The following LIG1 variants were observed in gnomAD, a reference collection of about 807,000 sequenced individuals.
LIG1 encodes ligase I, DNA, ATP-dependent.
Under a neutral mutation model 115.7 loss-of-function variants are expected in LIG1, and 70 were observed. That is an observed-to-expected ratio of 0.60 (90% CI 0.50 to 0.74). The LOEUF (loss-of-function observed/expected upper bound fraction) is 0.74, where lower values mean the gene tolerates loss of function less well. Ranked by LOEUF, LIG1 falls within the 30% of genes least tolerant of loss-of-function variation. LIG1 has a pLI of 0.00. For missense variants in LIG1, 1,115 were observed against 1,225.6 expected (o/e 0.91, Z 1.35); for synonymous variants, 487 against 495.3 (o/e 0.98, Z 0.22).
chr19:48,125,532 T>C (rs1280413984), intron 21 of LIG1, among the ~76,000 whole-genome samples: 1 of 152,086 alleles, frequency 6.6e-6, no homozygotes, highest in African/African-American at 2.4e-5. Context: ...CAGGAAGACA[T>C]GAGTGAGAAC....
intron 3 of LIG1, among the ~76,000 whole-genome samples, 174 bp downstream of exon 3, chr19:48,162,088 G>A (rs947439370): frequency 1.3e-5 from 2 of 152,122 alleles, no homozygotes; most frequent in South Asian, 4.1e-4. Flanking sequence ...AGACAACTCC[G>A]AGGCCCTGGA....
Position 48,132,338 on chromosome 19 carries a change from C to CA in LIG1, c.1725+643dup, listed in dbSNP as rs755158368. On this transcript the variant is annotated intron_variant, in intron 18 of 27. Coordinates refer to ENST00000263274, the MANE Select transcript of LIG1 (RefSeq NM_000234.3). ...TGGATCACAGGACACACATGCACGT[C>CA]ACGGCATGAAGGGGTCATGTAGGCA... is the stretch of plus-strand genomic sequence containing the variant. Among the ~76,000 whole-genome samples the CA allele has an allele frequency of 3.3e-5, 5 of 152,268 alleles. No homozygotes were observed. The East Asian group carries it at 9.7e-4, about 29-fold the overall frequency.
At chr19:48,149,169 G>C (rs1182931482) in intron 9 of LIG1, among the ~76,000 whole-genome samples, 1 of 152,168 alleles carries the variant, frequency 6.6e-6, no homozygotes, top group Non-Finnish European at 1.5e-5. Flanking sequence ...AATTATCTGG[G>C]TGTGGTGGCA....
In LIG1 at chr19:48,153,912, C is replaced by G; in HGVS notation, c.426G>C (p.Glu142Asp). 1 of 1,611,864 alleles carries G rather than the reference C, an allele frequency of 6.2e-7. No homozygotes were observed. Among genetic ancestry groups the G allele is most frequent in the Non-Finnish European group, 8.5e-7 (1 of 1,179,096 alleles). ...TIQEVLEEQS[E>D]DEDREAKRKK... ...TCCTCTTGGCTTCTCTGTCCTCGTC[C>G]TCACTCTGCTCTTCCAGGACTTCCT... The change falls in exon 6 of 28, where the codon GAG becomes GAC. Residue 142 changes from glutamate to aspartate, a missense_variant. By Grantham distance (45) the Glu-to-Asp change is conservative (BLOSUM62 2). Transcript: ENST00000263274.
At position 48,162,349 on chromosome 19, in the gene LIG1, G is replaced by C. The variant is rs1268909742; in HGVS notation, c.20C>G (p.Ser7Ter). Reference protein sequence around the residue: MQRSIMSFFHPKKEGKA... With the variant: MQRSIM Reference sequence around the variant, plus strand: ...ACCCTCTTTCTTGGGGTGGAAAAATGACCTAGAGGAGCATAAAAGGGGGTA... The same window carrying C: ...ACCCTCTTTCTTGGGGTGGAAAAATCACCTAGAGGAGCATAAAAGGGGGTA... The change falls in exon 3 of 28, where the codon TCA (serine) becomes TGA (stop). Residue 7 changes from serine to a stop codon, truncating the protein, a stop_gained and splice_region_variant. Coordinates refer to ENST00000263274, the MANE Select transcript of LIG1 (RefSeq NM_000234.3). LOFTEE classifies it high-confidence loss of function. 1 of 1,612,128 alleles carries C rather than the reference G, an allele frequency of 6.2e-7. No individual in the cohort carries two copies. Among genetic ancestry groups the C allele is most frequent in the Non-Finnish European group, 8.5e-7 (1 of 1,178,904 alleles).
chr19:48,121,290 G>A lies in LIG1; in HGVS notation c.2265C>T (p.Asp755=), dbSNP rs1012796396. ...LKKDYLDGVG[D]TLDLVVIGAY... ...CGCCGATCACCACCAGGTCCAGGGT[G>A]TCACCCACGCCATCAAGGTAGTCCT... The change falls in exon 24 of 28, where the codon GAC becomes GAT. Residue 755 remains aspartate (D), a synonymous_variant. Transcript: ENST00000263274. 1 of 1,610,698 alleles carries A rather than the reference G, an allele frequency of 6.2e-7. No homozygotes were observed. Among genetic ancestry groups the A allele is most frequent in the Non-Finnish European group, 8.5e-7 (1 of 1,177,694 alleles).
rs765288678 is a variant in LIG1 at position 48,115,937 on chromosome 19, C to T, written c.2612G>A (p.Arg871His). 3.4e-5 allele frequency: 55 copies of T among 1,613,814 alleles called. No individual in the cohort carries two copies. The highest frequency in any genetic ancestry group is 4.2e-5 in the Non-Finnish European group (49 of 1,179,996). The change falls in exon 27 of 28, where the codon CGC (arginine) becomes CAC (histidine). Residue 871 changes from arginine to histidine, a missense_variant. Coordinates refer to ENST00000263274, the MANE Select transcript of LIG1 (RefSeq NM_000234.3). ...LVDSDKGISL[R>H]FPRFIRVRED... ...ACGGACTCGAATAAACCGAGGGAAG[C>T]GAAGGGAGATGCCCTTGTCACTATC...
chr19:48,120,780 C>A (rs1350228660), intron 24 of LIG1: 3 of 414,576 alleles, frequency 7.2e-6, no homozygotes, highest in East Asian at 1.3e-4. Flanking sequence ...GATGATGAGG[C>A]CAGAGGCACA....
At position 48,136,977 on chromosome 19, in the gene LIG1, C is replaced by G. The variant is rs2288880; in HGVS notation, c.1331+31G>C. On this transcript the variant is annotated intron_variant, in intron 14 of 27. Transcript: ENST00000263274. Reference sequence around the variant, plus strand: ...CTTTCACCTCCGAGCCTGCAGTCCCCCTCTGTAGCCTCACAGGCCCACACG... The same window carrying G: ...CTTTCACCTCCGAGCCTGCAGTCCCGCTCTGTAGCCTCACAGGCCCACACG... 0.079 allele frequency: 124,740 copies of G among 1,572,892 alleles called. 8,270 individuals carry two copies. The highest frequency in any genetic ancestry group is 0.31 in the African/African-American group (23,352 of 74,382).
intron 20 of LIG1, 76 bp downstream of exon 20, chr19:48,127,834 C>G: frequency 8.1e-7 from 1 of 1,227,178 alleles, no homozygotes. Flanking sequence ...GGGCACTGGG[C>G]AGGACCCACA....
At chr19:48,165,752 C>T (rs1290353912) in intron 1 of LIG1, 129 bp from the exon 2 acceptor site, 1 of 764,346 alleles carries the variant, frequency 1.3e-6, no homozygotes, top group Non-Finnish European at 2.2e-6. Context: ...CAAAAAGAAA[C>T]TCCTGTTTTT....
In LIG1 at chr19:48,137,408, G is replaced by T; in HGVS notation, c.1254+114C>A. On this transcript the variant is annotated intron_variant, in intron 13 of 27. Transcript: ENST00000263274. This position sits in a 1 kb window ranked among gnomAD's most constrained non-coding sequence, Gnocchi z 4.3. The stretch of plus-strand genomic sequence containing the variant: ...GAGGAGAGGAAGCTGTGCACCCCAT[G>T]AGAAGGACTGATGCGACCCAGCTGA... 7.4e-7 allele frequency: 1 copy of T among 1,348,340 alleles called. No individual in the cohort carries two copies. The highest frequency in any genetic ancestry group is 1.0e-6 in the Non-Finnish European group (1 of 975,328). 83.5% of individuals were successfully genotyped at this position (1,348,340 alleles called of 1,614,324 possible).
At position 48,131,079 on chromosome 19, in the gene LIG1, G is replaced by A. The variant is rs750492076; in HGVS notation, c.1818C>T (p.Pro606=). 5.6e-5 allele frequency: 91 copies of A among 1,613,566 alleles called. 1 individual carries two copies. In the East Asian group the frequency reaches 1.1e-3, roughly 20 times the overall value. Residue 606 remains proline, a synonymous_variant, in exon 19 of 28, where the codon CCC becomes CCT. Coordinates refer to ENST00000263274, the MANE Select transcript of LIG1 (RefSeq NM_000234.3). ...CAAGTGTGTGGCAGACGCCCACCTTGGGGATGCGGCTGATGATGTCCGGGT... is the reference window on the plus strand; with the variant it reads ...CAAGTGTGTGGCAGACGCCCACCTTAGGGATGCGGCTGATGATGTCCGGGT... ...GKYPDIISRI[P]KIKLPSVTSF...
intron 6 of LIG1, 27 bp from the exon 7 acceptor site, chr19:48,151,366 G>A: frequency 7.0e-7 from 1 of 1,422,190 alleles, no homozygotes; most frequent in Non-Finnish European, 1.0e-6. Flanking sequence ...CGGTCAGATG[G>A]CAAAAAAATC....
At chr19:48,131,809 T>C (rs1367196675) in intron 18 of LIG1, among the ~76,000 whole-genome samples, 1 of 152,228 alleles carries the variant, frequency 6.6e-6, no homozygotes, top group African/African-American at 2.4e-5. Context: ...GCATCTTATA[T>C]GTTTGTTATT....
At chr19:48,128,816 G>A (rs2033838835) in intron 19 of LIG1, among the ~76,000 whole-genome samples, 1 of 152,234 alleles carries the variant, frequency 6.6e-6, no homozygotes, top group South Asian at 2.1e-4. Context: ...AGGCTGCAGT[G>A]CAGTGGTGCG....
Position 48,135,688 on chromosome 19 carries a change from C to G in LIG1, c.1515G>C (p.Gln505His). 1 of 1,613,918 alleles carries G rather than the reference C, an allele frequency of 6.2e-7. No homozygotes were observed. Among genetic ancestry groups the G allele is most frequent in the Non-Finnish European group, 8.5e-7 (1 of 1,179,796 alleles). The change falls in exon 16 of 28, where the codon CAG becomes CAC. Residue 505 changes from glutamine (Q) to histidine (H), a missense_variant. By Grantham distance (24) the Gln-to-His change is conservative (BLOSUM62 0). Transcript: ENST00000263274. ...CACTGCCCAGCTCTCACCAGAACGT[C>G]TGCTTCAGGATCATGCCTTGCTCCT... ...WLEEQGMILKQTFCEVPDLDR... is the reference protein window; with the variant it reads ...WLEEQGMILKHTFCEVPDLDR...
chr19:48,148,775 G>A (rs150616676), intron 9 of LIG1, among the ~76,000 whole-genome samples: 1 of 152,162 alleles, frequency 6.6e-6, no homozygotes, highest in African/African-American at 2.4e-5. Context: ...GATGTCGTGG[G>A]AATCAGCCCA....
intron 18 of LIG1, among the ~76,000 whole-genome samples, chr19:48,131,702 G>A (rs1281021089): frequency 6.6e-6 from 1 of 152,136 alleles, no homozygotes; most frequent in Non-Finnish European, 1.5e-5. Context: ...GCCTCCCAAA[G>A]TGCTGGGATT....
Sources: gnomAD v4.1 joint callset for allele counts (sites outside exome capture counted in the v4.1 genomes callset) on GRCh38, gnomAD v4.1.1 for gene constraint, Gnocchi (gnomAD v3.1) non-coding constraint, MANE v1.5 for transcripts, NCBI Gene and HGNC (gene_info 2026-07-23, HGNC 2026-07-21) for gene names.